The following FAM151B variants were observed in gnomAD, a reference collection of about 807,000 sequenced individuals.
The protein encoded by FAM151B is protein FAM151B.
Under a neutral mutation model 31.2 loss-of-function variants are expected in FAM151B, and 24 were observed. The observed-to-expected ratio is 0.77, with a 90% CI of 0.56 to 1.08. FAM151B has a LOEUF of 1.08. Among genes scored for constraint, FAM151B ranks in the 50% least tolerant of loss-of-function variants. The pLI is 0.00. For missense variants in FAM151B, 293 were observed against 328.6 expected (o/e 0.89, Z 0.84); for synonymous variants, 105 against 111.4 (o/e 0.94, Z 0.36).
At chr5:80,526,291 C>A (rs1744962038) in intron 5 of FAM151B, among the ~76,000 whole-genome samples, 1 of 151,910 alleles carries the variant, frequency 6.6e-6, no homozygotes. Flanking sequence ...AAATCTATAT[C>A]CTAAATTCTC....
intron 1 of FAM151B, among the ~76,000 whole-genome samples, chr5:80,496,206 A>G (rs1010018345): frequency 1.3e-5 from 2 of 152,236 alleles, no homozygotes; most frequent in African/African-American, 2.4e-5. Flanking sequence ...CGATAACTTC[A>G]TTGCCTTATT....
intron 2 of FAM151B, 77 bp from the exon 3 acceptor site, chr5:80,513,527 G>A (rs1158247189): frequency 1.3e-5 from 18 of 1,365,442 alleles, no homozygotes; most frequent in Non-Finnish European, 1.8e-5. Flanking sequence ...TTCCTCAAAA[G>A]GATACTGAAC....
intron 5 of FAM151B, 186 bp downstream of exon 5, chr5:80,522,324 A>C (rs945517487): frequency 6.3e-5 from 32 of 507,256 alleles, no homozygotes; most frequent in African/African-American, 5.7e-4. Flanking sequence ...ACCTTAACTT[A>C]CTTAACATCG....
chr5:80,489,666 C>T (rs746165448), intron 1 of FAM151B, among the ~76,000 whole-genome samples: 12 of 151,964 alleles, frequency 7.9e-5, no homozygotes, highest in Non-Finnish European at 1.5e-4. Context: ...GACTCACGCC[C>T]GTAATCCCAG....
chr5:80,503,972 A>AGGGAG (rs1456218090), intron 2 of FAM151B, among the ~76,000 whole-genome samples: 1 of 152,152 alleles, frequency 6.6e-6, no homozygotes, highest in African/African-American at 2.4e-5. Context: ...ATGGAAGACT[A>AGGGAG]GGGAGAGGGG....
rs1260812862 is a variant in FAM151B at position 80,538,490 on chromosome 5, C to T, written c.672-3183C>T. On this transcript the variant is annotated intron_variant, in intron 5 of 5. Transcript: ENST00000282226. Reference sequence around the variant, plus strand: ...TCTTTCTTTCTTTCTTTCTTTCCTTCCTTCCTTCCTTTCTTTTCTTTCTTT... The same window carrying T: ...TCTTTCTTTCTTTCTTTCTTTCCTTTCTTCCTTCCTTTCTTTTCTTTCTTT... Among the ~76,000 whole-genome samples the T allele has an allele frequency of 9.6e-3, 1,206 of 126,154 alleles. 114 individuals are homozygous for T. Among genetic ancestry groups the T allele is most frequent in the African/African-American group, 0.033 (1,016 of 30,572 alleles). The allele number at this position is 126,154 out of a possible 152,430, so 82.8% of individuals were successfully genotyped here. A position where few individuals can be genotyped will look rare whatever the true frequency, so the allele number is the denominator to read the frequency against.
At chr5:80,488,224 C>A (rs1743181869) in intron 1 of FAM151B, 76 bp downstream of exon 1, 4 of 1,474,476 alleles carry the variant, frequency 2.7e-6, no homozygotes, top group Non-Finnish European at 3.6e-6. Flanking sequence ...CCTCCCTTTG[C>A]GGGCTCCCGC....
intron 5 of FAM151B, among the ~76,000 whole-genome samples, chr5:80,533,378 AAAAAC>A (rs528671941): frequency 4.6e-5 from 7 of 152,064 alleles, no homozygotes; most frequent in East Asian, 1.9e-4. Flanking sequence ...CTCCATCTCA[AAAAAC>A]AAAACAAAAC....
rs993396150 is a variant in FAM151B at position 80,519,881 on chromosome 5, C to G, written c.506C>G (p.Thr169Arg). 1 of 1,614,084 alleles carries G rather than the reference C, an allele frequency of 6.2e-7. No individual in the cohort carries two copies. The highest frequency in any genetic ancestry group is 8.5e-7 in the Non-Finnish European group (1 of 1,179,974). Reference sequence around the variant, plus strand: ...GTGACGTTTTCCCTGGGTTGGACAACAGGATGGCATCCTGAGAAAGTCAAT... The same window carrying G: ...GTGACGTTTTCCCTGGGTTGGACAAGAGGATGGCATCCTGAGAAAGTCAAT... ...PDVTFSLGWT[T>R]GWHPEKVNEG... The change falls in exon 4 of 6, where the codon ACA (threonine) becomes AGA (arginine). Residue 169 changes from threonine (T) to arginine (R), a missense_variant. By Grantham distance (71) the Thr-to-Arg change is moderately conservative. Transcript: ENST00000282226.
intron 1 of FAM151B, among the ~76,000 whole-genome samples, chr5:80,492,085 C>T (rs1004313681): frequency 1.3e-4 from 20 of 152,096 alleles, no homozygotes; most frequent in African/African-American, 3.9e-4. Flanking sequence ...ACTGTGATTC[C>T]GTATGATATT....
At chr5:80,532,720 A>T (rs561263088) in intron 5 of FAM151B, among the ~76,000 whole-genome samples, 2 of 152,354 alleles carry the variant, frequency 1.3e-5, no homozygotes, top group East Asian at 3.9e-4. Flanking sequence ...CAACACATGG[A>T]TCATTCTCCA....
chr5:80,524,717 C>G (rs1744881134), intron 5 of FAM151B, among the ~76,000 whole-genome samples: 1 of 152,130 alleles, frequency 6.6e-6, no homozygotes, highest in Non-Finnish European at 1.5e-5. Context: ...GCAATGTAGG[C>G]TGATAACAGT....
At chr5:80,504,264 A>G (rs1743862490) in intron 2 of FAM151B, among the ~76,000 whole-genome samples, 1 of 152,194 alleles carries the variant, frequency 6.6e-6, no homozygotes. Context: ...TGTATCTAAT[A>G]TCCAATCATT....
At chr5:80,488,266 C>T (rs763685862) in intron 1 of FAM151B, 118 bp downstream of exon 1, 12 of 1,272,986 alleles carry the variant, frequency 9.4e-6, no homozygotes, top group Non-Finnish European at 9.4e-6. Flanking sequence ...GGGAGCGCGC[C>T]GCGCAGAACC....
intron 2 of FAM151B, among the ~76,000 whole-genome samples, chr5:80,512,754 T>A (rs1365338257): frequency 6.9e-6 from 1 of 144,938 alleles, no homozygotes; most frequent in Non-Finnish European, 1.5e-5. Context: ...TGCATCAGCC[T>A]GGATGACAGG....
chr5:80,510,439 T>C (rs1464345473), intron 2 of FAM151B, among the ~76,000 whole-genome samples: 1 of 152,184 alleles, frequency 6.6e-6, no homozygotes, highest in African/African-American at 2.4e-5. Context: ...TGCCAGCAGT[T>C]TTAAAGGCTA....
At chr5:80,506,974 C>G (rs1435902011) in intron 2 of FAM151B, among the ~76,000 whole-genome samples, 1 of 152,014 alleles carries the variant, frequency 6.6e-6, no homozygotes, top group Non-Finnish European at 1.5e-5. Flanking sequence ...CAAAAATTAG[C>G]TGTGCATGGT....
chr5:80,490,413 T>C lies in FAM151B; in HGVS notation c.25+2265T>C, dbSNP rs75131167. Among the ~76,000 whole-genome samples the C allele has an allele frequency of 9.2e-3, 1,405 of 152,350 alleles. 25 individuals are homozygous for C. Among genetic ancestry groups the C allele is most frequent in the African/African-American group, 0.033 (1,371 of 41,582 alleles). On this transcript the variant is annotated intron_variant, in intron 1 of 5. Transcript: ENST00000282226. The stretch of plus-strand genomic sequence containing the variant: ...AAATTCTTCAAAATCCTTACTGATG[T>C]ACAATTTGCATACTATTAATATACA...
intron 1 of FAM151B, among the ~76,000 whole-genome samples, chr5:80,488,647 GTTCCGCTC>G (rs1237197927): frequency 6.6e-6 from 1 of 152,238 alleles, no homozygotes; most frequent in African/African-American, 2.4e-5. Flanking sequence ...CGGGACAGCA[GTTCCGCTC>G]TTGAAGGTTA....
Sources: allele counts gnomAD v4.1 joint callset (sites outside exome capture counted in the v4.1 genomes callset), GRCh38; gene constraint gnomAD v4.1.1; transcripts MANE v1.5; gene names NCBI Gene and HGNC (gene_info 2026-07-23, HGNC 2026-07-21).